Variants in CLEC16A observed in about 807,000 individuals in gnomAD.
CLEC16A encodes C-type lectin domain containing 16A.
CLEC16A carries 51 observed loss-of-function variants against 109.5 expected under a neutral mutation model. That is an observed-to-expected ratio of 0.47 (90% CI 0.37 to 0.59). The LOEUF is 0.59. Ranked by LOEUF, CLEC16A falls within the 20% of genes least tolerant of loss-of-function variation. The probability of loss-of-function intolerance (pLI) is 0.00; values close to 1 mark genes in which losing one functional copy is unlikely to be tolerated. For synonymous variants in CLEC16A, 673 were observed against 564.2 expected, an observed-to-expected ratio of 1.19 and a Z score of -2.73; for missense variants, 1,339 against 1,394.0, an observed-to-expected ratio of 0.96 and a Z score of 0.63.
chr16:11,127,507 T>A (rs998622174), intron 22 of CLEC16A, among the ~76,000 whole-genome samples: 4 of 152,358 alleles, frequency 2.6e-5, no homozygotes, highest in South Asian at 4.1e-4. Flanking sequence ...AGTCCCAACG[T>A]GAACTCTAGA....
At chr16:11,038,576 C>CA (rs1220777387) in intron 13 of CLEC16A, among the ~76,000 whole-genome samples, 1 of 152,134 alleles carries the variant, frequency 6.6e-6, no homozygotes, top group Non-Finnish European at 1.5e-5. Context: ...GGCTCAAAGT[C>CA]ACACACTTGC....
intron 14 of CLEC16A, chr16:11,040,514 C>CTTTTTT (rs781297913): frequency 0.06 from 6,032 of 101,352 alleles, 1,030 homozygotes; most frequent in African/African-American, 0.23. Context: ...TTTTTCTTTT[C>CTTTTTT]TTTTTTTTTT....
At chr16:11,102,531 A>G (rs1459390092) in intron 19 of CLEC16A, among the ~76,000 whole-genome samples, 2 of 152,246 alleles carry the variant, frequency 1.3e-5, no homozygotes, top group Non-Finnish European at 2.9e-5. Context: ...CCAAACGGCT[A>G]TAAATGTGTC....
intron 7 of CLEC16A, among the ~76,000 whole-genome samples, chr16:10,975,621 A>T (rs1304970917): frequency 6.6e-6 from 1 of 152,052 alleles, no homozygotes; most frequent in East Asian, 1.9e-4. Flanking sequence ...TACAACATGT[A>T]TTTGCTGTAA....
chr16:11,051,653 C>T lies in CLEC16A; in HGVS notation c.1995+12C>T. On this transcript the variant is annotated intron_variant, in intron 18 of 23. Coordinates refer to ENST00000409790, the MANE Select transcript of CLEC16A (RefSeq NM_015226.3). ...AGAAGACCCGGCGGGTGAGTGAGCA[C>T]AGGACCTGTCATCTCCTGGGCCACT... 6.2e-7 allele frequency: 1 copy of T among 1,611,452 alleles called. No individual in the cohort carries two copies.
intron 22 of CLEC16A, among the ~76,000 whole-genome samples, chr16:11,155,323 G>C (rs1214339654): frequency 1.3e-5 from 2 of 152,164 alleles, no homozygotes; most frequent in Non-Finnish European, 2.9e-5. Flanking sequence ...GAGGACACAG[G>C]CTCGTGGGGT....
chr16:11,075,416 G>C (rs867835205), intron 19 of CLEC16A, among the ~76,000 whole-genome samples: 26 of 136,180 alleles, frequency 1.9e-4, no homozygotes, highest in African/African-American at 6.3e-4. Flanking sequence ...GTGTGTCTGT[G>C]TGTGTGTGTG....
chr16:10,992,931 C>T (rs1041175194), intron 10 of CLEC16A, among the ~76,000 whole-genome samples: 2 of 151,998 alleles, frequency 1.3e-5, no homozygotes, highest in African/African-American at 4.8e-5. Context: ...GGGAGCTAGG[C>T]CTGCTGAGAG....
Position 11,003,158 on chromosome 16 carries a change from C to A in CLEC16A, c.1156C>A (p.Arg386=). The change falls in exon 11 of 24, where the codon CGG becomes AGG. Residue 386 remains arginine, a synonymous_variant. Coordinates refer to ENST00000409790, the MANE Select transcript of CLEC16A (RefSeq NM_015226.3). Reference sequence around the variant, plus strand: ...GATGAACAAGCACAAGGGCAAGAGGCGGGTGCAAAAGAGACCCAACTACAA... The same window carrying A: ...GATGAACAAGCACAAGGGCAAGAGGAGGGTGCAAAAGAGACCCAACTACAA... ...LEMNKHKGKR[R]VQKRPNYKNV... is the part of the protein sequence containing the mutation. The A allele has an allele frequency of 6.2e-7, 1 of 1,613,056 alleles. No homozygotes were observed. The highest frequency in any genetic ancestry group is 8.5e-7 in the Non-Finnish European group (1 of 1,179,776).
At chr16:11,085,215 A>G (rs2049945784) in intron 19 of CLEC16A, among the ~76,000 whole-genome samples, 1 of 152,238 alleles carries the variant, frequency 6.6e-6, no homozygotes, top group African/African-American at 2.4e-5. Flanking sequence ...CAGGAGGATC[A>G]CGGGAAGGGG....
intron 19 of CLEC16A, among the ~76,000 whole-genome samples, chr16:11,110,370 A>G (rs2051502298): frequency 6.6e-6 from 1 of 152,148 alleles, no homozygotes; most frequent in Admixed American, 6.5e-5. Context: ...GATTAGGGAA[A>G]TGTAGAGAGG....
chr16:11,030,956 T>C lies in CLEC16A; in HGVS notation c.1537+6035T>C, dbSNP rs1017171999. On this transcript the variant is annotated intron_variant, in intron 13 of 23. Coordinates refer to ENST00000409790, the MANE Select transcript of CLEC16A (RefSeq NM_015226.3). ...GTCCTTTATCAGAGGCATTTAGCAATGATTTCCCCCAAGTCTGTGGCATGT... is the reference window on the plus strand; with the variant it reads ...GTCCTTTATCAGAGGCATTTAGCAACGATTTCCCCCAAGTCTGTGGCATGT... 4.6e-5 allele frequency among the ~76,000 whole-genome samples: 7 copies of C among 152,228 alleles called. 1 individual carries two copies. In the East Asian group the frequency reaches 1.3e-3, roughly 29 times the overall value.
intron 13 of CLEC16A, among the ~76,000 whole-genome samples, chr16:11,037,362 A>T: frequency 6.6e-6 from 1 of 152,222 alleles, no homozygotes; most frequent in East Asian, 1.9e-4. Flanking sequence ...GAAACAACAT[A>T]ACAACTCTGG....
intron 8 of CLEC16A, among the ~76,000 whole-genome samples, chr16:10,978,312 C>T (rs908610948): frequency 1.3e-5 from 2 of 152,222 alleles, no homozygotes; most frequent in African/African-American, 4.8e-5. Context: ...GGGGAGGCCT[C>T]TGTGCAGTTC....
At chr16:11,001,705 G>A (rs1182855824) in intron 10 of CLEC16A, among the ~76,000 whole-genome samples, 9 of 152,134 alleles carry the variant, frequency 5.9e-5, no homozygotes, top group South Asian at 2.1e-4. Context: ...GTAGTGGCAC[G>A]ATCTCGCTCA....
At chr16:10,969,677 G>T (rs1205690588) in intron 4 of CLEC16A, among the ~76,000 whole-genome samples, 1 of 152,126 alleles carries the variant, frequency 6.6e-6, no homozygotes, top group Non-Finnish European at 1.5e-5. Flanking sequence ...GTAAAATTCA[G>T]TTTGTTCTGA....
At chr16:11,039,635 A>G (rs1176429995) in intron 13 of CLEC16A, 119 bp from the exon 14 acceptor site, 2 of 1,180,448 alleles carry the variant, frequency 1.7e-6, no homozygotes, top group Admixed American at 3.3e-5. Flanking sequence ...AGGAAAAGAA[A>G]TCACCAAGAG....
Position 11,042,255 on chromosome 16 carries a change from T to C in CLEC16A, c.1662T>C (p.Asp554=), listed in dbSNP as rs1048527141. Residue 554 remains aspartate (D), a splice_region_variant and synonymous_variant, in exon 15 of 24, where the codon GAT becomes GAC. Coordinates refer to ENST00000409790, the MANE Select transcript of CLEC16A (RefSeq NM_015226.3). Reference sequence around the variant, plus strand: ...GGCTTACCCTGGTGTGCTCTGCAGATGGGAAGATCCGGCTGGCGACGCTGG... The same window carrying C: ...GGCTTACCCTGGTGTGCTCTGCAGACGGGAAGATCCGGCTGGCGACGCTGG... The part of the protein sequence containing the change: ...IRIMNNAAQP[D]GKIRLATLEL... 4.4e-6 allele frequency: 7 copies of C among 1,575,190 alleles called. No homozygotes were observed. In the Admixed American group the frequency reaches 1.3e-4, roughly 29 times the overall value.
chr16:11,027,303 G>A (rs1344025334), intron 13 of CLEC16A: 54 of 1,513,636 alleles, frequency 3.6e-5, no homozygotes, highest in Middle Eastern at 3.4e-4. Context: ...TGTACGCATC[G>A]AAAGGATTGA....
Sources: gnomAD v4.1 joint callset for allele counts (sites outside exome capture counted in the v4.1 genomes callset) on GRCh38, gnomAD v4.1.1 for gene constraint, MANE v1.5 for transcripts, NCBI Gene and HGNC (gene_info 2026-07-23, HGNC 2026-07-21) for gene names.